Variants in SETDB1 observed in about 807,000 individuals in gnomAD.
The protein encoded by SETDB1 is SET domain bifurcated histone lysine methyltransferase 1, also known as histone-lysine N-methyltransferase SETDB1.
In SETDB1, 31 loss-of-function variants were observed where a neutral mutation model predicts 137.4. The observed-to-expected ratio is 0.23, with a 90% CI of 0.17 to 0.30. SETDB1 has a LOEUF of 0.30. SETDB1 is among the 10% of genes least tolerant of loss of function. The pLI is 1.00. For missense variants in SETDB1, 1,113 were observed against 1,631.5 expected (o/e 0.68, Z 5.47); for synonymous variants, 548 against 579.9 (o/e 0.95, Z 0.79).
chr1:150,936,989 G>C (rs138421852), intron 3 of SETDB1, among the ~76,000 whole-genome samples: 1 of 152,170 alleles, frequency 6.6e-6, no homozygotes, highest in Non-Finnish European at 1.5e-5. Flanking sequence ...GCTGGGTATG[G>C]TGGTGGGTGC....
intron 15 of SETDB1, among the ~76,000 whole-genome samples, chr1:150,960,299 C>T (rs933460377): frequency 4.6e-5 from 7 of 151,600 alleles, no homozygotes; most frequent in African/African-American, 7.3e-5. Flanking sequence ...CATGGTGAAA[C>T]GCCATCTCTA....
chr1:150,947,634 G>C (rs1302007568), intron 10 of SETDB1, among the ~76,000 whole-genome samples: 2 of 152,068 alleles, frequency 1.3e-5, no homozygotes, highest in Admixed American at 6.6e-5. Context: ...AAATTAGCTG[G>C]GTACAGTGGC....
intron 2 of SETDB1, 139 bp downstream of exon 2, chr1:150,928,113 A>C: frequency 3.0e-6 from 3 of 1,001,374 alleles, no homozygotes; most frequent in South Asian, 1.6e-5. Flanking sequence ...GCTAGAGTGC[A>C]GTGGAGTGAT....
chr1:150,926,378 C>A lies in SETDB1; in HGVS notation c.-151C>A, dbSNP rs587663843. 15 of 221,646 alleles carry A rather than the reference C, an allele frequency of 6.8e-5. No individual in the cohort carries two copies. The highest frequency in any genetic ancestry group is 1.3e-4 in the Non-Finnish European group (14 of 109,750). 13.7% of individuals were successfully genotyped at this position (221,646 alleles called of 1,614,324 possible). A position where few individuals can be genotyped will look rare whatever the true frequency, so the allele number is the denominator to read the frequency against. On this transcript the variant is annotated 5_prime_UTR_variant, in exon 1 of 22. Coordinates refer to ENST00000692827, the MANE Select transcript of SETDB1 (RefSeq NM_001366418.1). ...GCTTCCGGGCGTTTCTTTTGCTTCC[C>A]CTTCCCTCTTTCACGCTTCCTCCCC...
Position 150,949,513 on chromosome 1 carries a change from A to C in SETDB1, c.1571A>C (p.Asn524Thr), listed in dbSNP as rs753729830. 3.1e-6 allele frequency: 5 copies of C among 1,614,010 alleles called. No homozygotes were observed. The African/African-American group carries it at 6.7e-5, about 22-fold the overall frequency. Residue 524 changes from asparagine (N) to threonine (T), a missense_variant, in exon 12 of 22, where the codon AAC becomes ACC. This residue lies in a region of SETDB1 where 192 missense variants were observed against 198.1 expected (regional missense o/e 0.97). Coordinates refer to ENST00000692827, the MANE Select transcript of SETDB1 (RefSeq NM_001366418.1). The part of the protein sequence containing the change: ...ENVSGGKPGI[N>T]QTYRSPLGST... ...GTCTCTGGTGGGAAACCTGGGATCA[A>C]CCAGACATATAGGTGAGAAAATCTG...
At chr1:150,933,528 C>G (rs1388605148) in intron 3 of SETDB1, among the ~76,000 whole-genome samples, 1 of 151,806 alleles carries the variant, frequency 6.6e-6, no homozygotes, top group Non-Finnish European at 1.5e-5. Flanking sequence ...AGGCACGCGC[C>G]ATCACACCCA....
chr1:150,961,340 T>G, intron 16 of SETDB1, 149 bp downstream of exon 16: 4 of 818,802 alleles, frequency 4.9e-6, no homozygotes, highest in Non-Finnish European at 7.8e-6. Context: ...ACTAGCACAT[T>G]CCTAGTGTTT....
chr1:150,963,545 A>C lies in SETDB1; in HGVS notation c.3476A>C (p.Gln1159Pro). The change falls in exon 20 of 22, where the codon CAA becomes CCA. Residue 1159 changes from glutamine to proline, a missense_variant. This residue lies in a region of SETDB1 where 373 missense variants were observed against 412.7 expected (regional missense o/e 0.90). Coordinates refer to ENST00000692827, the MANE Select transcript of SETDB1 (RefSeq NM_001366418.1). ...KKNMTGPMKR[Q>P]VAVKSTRGFA... ...TCCTGTCCAGGTCCAATGAAGCGTC[A>C]AGTGGCAGTAAAATCAACCCGAGGC... The C allele has an allele frequency of 1.2e-6, 2 of 1,613,168 alleles. No homozygotes were observed. The highest frequency in any genetic ancestry group is 1.7e-6 in the Non-Finnish European group (2 of 1,179,354).
intron 12 of SETDB1, 148 bp from the exon 13 acceptor site, chr1:150,950,310 G>T: frequency 1.5e-6 from 1 of 678,210 alleles, no homozygotes; most frequent in East Asian, 2.6e-5. Context: ...GGTTTGGTAG[G>T]GCAAGGGAAG....
In SETDB1 at chr1:150,927,738, T is replaced by G; in HGVS notation, c.24T>G (p.Ile8Met). ...GCATGTCTTCCCTTCCTGGGTGCAT[T>G]GGTTTGGATGCAGCAACAGCTACAG... is the stretch of plus-strand genomic sequence containing the variant. MSSLPGC[I>M]GLDAATATVE... Residue 8 changes from isoleucine (I) to methionine (M), a missense_variant, in exon 2 of 22, where the codon ATT becomes ATG. Ile to Met is a conservative substitution (Grantham distance 10). Around this residue, in one of 11 missense-constraint regions of SETDB1, gnomAD observed 32 missense variants for 26.3 expected, o/e 1.22. Transcript: ENST00000692827. 1.2e-6 allele frequency: 2 copies of G among 1,614,050 alleles called. No homozygotes were observed. Among genetic ancestry groups the G allele is most frequent in the Non-Finnish European group, 1.7e-6 (2 of 1,179,958 alleles).
intron 3 of SETDB1, among the ~76,000 whole-genome samples, chr1:150,932,249 GA>G (rs1022596421): frequency 1.3e-5 from 2 of 150,496 alleles, no homozygotes; most frequent in East Asian, 1.9e-4. Context: ...AAAAAAGAAA[GA>G]AAAAAATTTT....
intron 14 of SETDB1, among the ~76,000 whole-genome samples, chr1:150,955,135 T>C (rs1670602746): frequency 6.6e-6 from 1 of 152,242 alleles, no homozygotes; most frequent in Admixed American, 6.5e-5. Flanking sequence ...AGACAGTTGT[T>C]TAGTTGCATT....
chr1:150,951,519 C>T lies in SETDB1; in HGVS notation c.2333+38C>T. 5 of 1,051,102 alleles carry T rather than the reference C, an allele frequency of 4.8e-6. No individual in the cohort carries two copies. In the South Asian group the frequency reaches 6.7e-5, roughly 14 times the overall value. 65.1% of individuals were successfully genotyped at this position (1,051,102 alleles called of 1,614,324 possible). On this transcript the variant is annotated intron_variant, in intron 14 of 21. Coordinates refer to ENST00000692827, the MANE Select transcript of SETDB1 (RefSeq NM_001366418.1). ...GGAATGGCACAGTACCTCAGAGAGA[C>T]TGAGGAGCATGTTCTTGTTTTTCTG...
intron 3 of SETDB1, among the ~76,000 whole-genome samples, chr1:150,936,811 G>A (rs112385803): frequency 5.3e-5 from 8 of 151,956 alleles, no homozygotes; most frequent in African/African-American, 1.7e-4. Context: ...GTGCCACCAC[G>A]CCTGCCTGAT....
chr1:150,961,086 A>C lies in SETDB1; in HGVS notation c.3027A>C (p.Glu1009Asp). The change falls in exon 16 of 22, where the codon GAA becomes GAC. Residue 1009 changes from glutamate (E) to aspartate (D), a missense_variant. Transcript: ENST00000692827. ...GCCATTCATCCTTCAAGACTAATGA[A>C]GGTGGGGAGGGCCGGGCTGGGGGAA... ...SDSHSSFKTN[E>D]GGEGRAGGSR... is the part of the protein sequence containing the mutation. The C allele has an allele frequency of 9.9e-7, 1 of 1,012,474 alleles. No homozygotes were observed. Among genetic ancestry groups the C allele is most frequent in the Non-Finnish European group, 1.5e-6 (1 of 688,236 alleles). 62.7% of individuals were successfully genotyped at this position (1,012,474 alleles called of 1,614,324 possible).
At chr1:150,932,205 G>T (rs1361894094) in intron 3 of SETDB1, among the ~76,000 whole-genome samples, 1 of 151,330 alleles carries the variant, frequency 6.6e-6, no homozygotes, top group East Asian at 1.9e-4. Flanking sequence ...GGGCAACATG[G>T]TGAAACCCCT....
chr1:150,962,229 C>A, intron 17 of SETDB1, 71 bp downstream of exon 17: 1 of 1,395,310 alleles, frequency 7.2e-7, no homozygotes, highest in Non-Finnish European at 1.0e-6. Flanking sequence ...AGTGCAGTGG[C>A]GTAATCTCAG....
At chr1:150,935,483 A>G (rs1414685098) in intron 3 of SETDB1, among the ~76,000 whole-genome samples, 1 of 151,348 alleles carries the variant, frequency 6.6e-6, no homozygotes, top group African/African-American at 2.4e-5. Context: ...CATTACATAT[A>G]TGGTGGAATG....
In SETDB1 at chr1:150,946,001, CTGTTTTGTTTTGTTTTGTTT is replaced by C. The variant is rs3034037; in HGVS notation, c.1141-868_1141-849del. Among the ~76,000 whole-genome samples, 297 of 149,482 alleles carry C rather than the reference CTGTTTTGTTTTGTTTTGTTT, an allele frequency of 2.0e-3. 3 individuals carry two copies. Among genetic ancestry groups the C allele is most frequent in the Middle Eastern group, 0.01 (3 of 288 alleles). ...ACAGGCGTGAGCCACCACGCCTGGC[CTGTTTTGTTTTGTTTTGTTT>C]TGTTTTGTTTTGTTTTTTGAGACAG... is the stretch of plus-strand genomic sequence containing the variant. On this transcript the variant is annotated intron_variant, in intron 9 of 21. Coordinates refer to ENST00000692827, the MANE Select transcript of SETDB1 (RefSeq NM_001366418.1).
Sources: gnomAD v4.1 joint callset for allele counts (sites outside exome capture counted in the v4.1 genomes callset) on GRCh38, gnomAD v4.1.1 for gene constraint, gnomAD v4.1.1 regional missense constraint, MANE v1.5 for transcripts, NCBI Gene and HGNC (gene_info 2026-07-23, HGNC 2026-07-21) for gene names.